The following SCN1A variants were observed in gnomAD, a reference collection of about 807,000 sequenced individuals.
The protein encoded by SCN1A is sodium channel protein type 1 subunit alpha.
A neutral mutation model predicts 193.7 loss-of-function variants in SCN1A; 13 were observed. The observed-to-expected ratio is 0.07, with a 90% CI of 0.04 to 0.11. The LOEUF (loss-of-function observed/expected upper bound fraction) is 0.11. Ranked by LOEUF, SCN1A falls within the 10% of genes least tolerant of loss-of-function variation. The probability of loss-of-function intolerance (pLI) is 1.00; values close to 1 mark genes in which losing one functional copy is unlikely to be tolerated. For synonymous variants in SCN1A, 781 were observed against 843.6 expected (o/e 0.93, Z 1.29); for missense variants, 1,432 against 2,451.1 (o/e 0.58, Z 8.78).
At chr2:165,998,752 G>A (rs974726751) in intron 25 of SCN1A, among the ~76,000 whole-genome samples, 3 of 73,424 alleles carry the variant, frequency 4.1e-5, no homozygotes, top group Non-Finnish European at 7.1e-5. Context: ...GTAATGGACT[G>A]AAAGGTCACT....
upstream of SCN1A, chr2:166,128,188 C>T (rs1221381517): frequency 6.6e-6 from 1 of 151,536 alleles, no homozygotes; most frequent in Non-Finnish European, 1.5e-5. Flanking sequence ...TTCCTTTCTT[C>T]TCTGTAATCT....
chr2:165,985,507 G>T (rs1688558302), downstream of SCN1A: 1 of 152,090 alleles, frequency 6.6e-6, no homozygotes, highest in African/African-American at 2.4e-5. Context: ...AATTGAGGAA[G>T]TTTATAATGA....
At chr2:166,046,411 G>A (rs1481937954) in intron 12 of SCN1A, among the ~76,000 whole-genome samples, 1 of 152,072 alleles carries the variant, frequency 6.6e-6, no homozygotes, top group African/African-American at 2.4e-5. Flanking sequence ...AACTAGAGGA[G>A]CAACTCTTCA....
upstream of SCN1A, among the ~76,000 whole-genome samples, chr2:166,131,911 A>C (rs1026109334): frequency 2.0e-5 from 3 of 152,172 alleles, no homozygotes; most frequent in African/African-American, 7.2e-5. Context: ...TTATGTTTTG[A>C]GTTCCAGATT....
At chr2:166,103,226 G>A (rs1688314577) in intron 2 of SCN1A, among the ~76,000 whole-genome samples, 1 of 152,006 alleles carries the variant, frequency 6.6e-6, no homozygotes, top group South Asian at 2.1e-4. Flanking sequence ...CAAGGAGGGC[G>A]GATCACCTGA....
Position 165,986,644 on chromosome 2 carries a change from A to G in SCN1A, c.*4601T>C, listed in dbSNP as rs755778445. 1 of 151,638 alleles carries G rather than the reference A, an allele frequency of 6.6e-6. No homozygotes were observed. Among genetic ancestry groups the G allele is most frequent in the African/African-American group, 2.4e-5 (1 of 41,276 alleles). The allele number at this position is 151,638 out of a possible 1,614,324, so 9.4% of individuals were successfully genotyped here. A position where few individuals can be genotyped will look rare whatever the true frequency, so the allele number is the denominator to read the frequency against. ...GTAGAAATTATAAAGTCCAGGGCAT[A>G]CAAAATATGATAGTGTGAACACGCA... On this transcript the variant is annotated 3_prime_UTR_variant, in exon 29 of 29. Transcript: ENST00000674923.
chr2:166,056,247 C>T lies in SCN1A; in HGVS notation c.473+164G>A, dbSNP rs1461203. On this transcript the variant is annotated intron_variant, in intron 6 of 28. Transcript: ENST00000674923. Reference sequence around the variant, plus strand: ...CAAAAGAGAGTGATAATCAGTATAACGCCAGCAGGCCTGAGGGCCAATGAG... The same window carrying T: ...CAAAAGAGAGTGATAATCAGTATAATGCCAGCAGGCCTGAGGGCCAATGAG... Among the ~76,000 whole-genome samples the T allele has an allele frequency of 0.47, 72,134 of 151,868 alleles. 17,985 individuals carry two copies. The highest frequency in any genetic ancestry group is 0.56 in the East Asian group (2,885 of 5,158).
intron 19 of SCN1A, among the ~76,000 whole-genome samples, chr2:166,032,989 G>T (rs760499422): frequency 3.9e-5 from 6 of 152,116 alleles, no homozygotes; most frequent in Non-Finnish European, 8.8e-5. Context: ...AAGAAGAGTT[G>T]AATGAGCTGG....
upstream of SCN1A, among the ~76,000 whole-genome samples, chr2:166,131,665 G>A (rs1408047039): frequency 6.6e-6 from 1 of 152,204 alleles, no homozygotes; most frequent in Non-Finnish European, 1.5e-5. Flanking sequence ...TCAGAAGGCT[G>A]AGGAATTAGT....
At chr2:166,027,212 A>G (rs1428852748) in intron 19 of SCN1A, 1 of 152,176 alleles carries the variant, frequency 6.6e-6, no homozygotes, top group East Asian at 1.9e-4. Flanking sequence ...TAACCACTTA[A>G]TAACTACAAC....
At chr2:165,995,108 A>G (rs866696906) in intron 27 of SCN1A, among the ~76,000 whole-genome samples, 1 of 151,844 alleles carries the variant, frequency 6.6e-6, no homozygotes, top group African/African-American at 2.4e-5. Context: ...ACTGCTAGTC[A>G]CTGAAGGCCA....
At chr2:166,112,584 GCA>G (rs1689412906) in intron 2 of SCN1A, among the ~76,000 whole-genome samples, 1 of 152,116 alleles carries the variant, frequency 6.6e-6, no homozygotes, top group South Asian at 2.1e-4. Flanking sequence ...TTGCTGCCTG[GCA>G]CAGAGCTCCT....
intron 4 of SCN1A, among the ~76,000 whole-genome samples, chr2:166,068,374 G>A (rs1226092935): frequency 6.6e-6 from 1 of 152,128 alleles, no homozygotes; most frequent in Non-Finnish European, 1.5e-5. Context: ...GGAAAAAGAA[G>A]CACAAGGAAG....
chr2:166,140,505 T>C (rs1692037038), intron 1 of SCN1A, among the ~76,000 whole-genome samples: 1 of 152,156 alleles, frequency 6.6e-6, no homozygotes, highest in Non-Finnish European at 1.5e-5. Flanking sequence ...CTTACTTGTC[T>C]CAGATTCTTC....
chr2:166,121,506 C>T (rs1356748971), intron 2 of SCN1A, among the ~76,000 whole-genome samples: 4 of 152,128 alleles, frequency 2.6e-5, no homozygotes, highest in African/African-American at 9.7e-5. Context: ...ACATTATAGG[C>T]ACAGCAGTGG....
intron 2 of SCN1A, among the ~76,000 whole-genome samples, chr2:166,101,806 G>A (rs1373564192): frequency 6.6e-6 from 1 of 152,024 alleles, no homozygotes; most frequent in Non-Finnish European, 1.5e-5. Context: ...CTCGATTAAG[G>A]CCTTGGCAAA....
chr2:165,991,626 A>T lies in SCN1A; in HGVS notation c.5649T>A (p.Asp1883Glu). Residue 1883 changes from aspartate to glutamate, a missense_variant, in exon 29 of 29, where the codon GAT becomes GAA. This residue lies in a region of SCN1A where 148 missense variants were observed against 160.3 expected (regional missense o/e 0.92). Coordinates refer to ENST00000674923, the MANE Select transcript of SCN1A (RefSeq NM_001165963.4). ...GCTCTTCCATCTGTATTCGTAGAGC[A>T]TCCATCTCTCCACTCTCTCCTAGAA... The part of the protein sequence containing the change: ...KRVLGESGEM[D>E]ALRIQMEERF... 1 of 1,613,926 alleles carries T rather than the reference A, an allele frequency of 6.2e-7. No homozygotes were observed. Among genetic ancestry groups the T allele is most frequent in the Non-Finnish European group, 8.5e-7 (1 of 1,179,908 alleles).
chr2:166,139,081 C>T (rs997199787), intron 1 of SCN1A, among the ~76,000 whole-genome samples: 1 of 152,194 alleles, frequency 6.6e-6, no homozygotes, highest in Non-Finnish European at 1.5e-5. Flanking sequence ...AATGCCTGTA[C>T]TCCCATTGTA....
At chr2:166,033,599 A>G (rs1392103903) in intron 19 of SCN1A, among the ~76,000 whole-genome samples, 1 of 152,126 alleles carries the variant, frequency 6.6e-6, no homozygotes, top group Non-Finnish European at 1.5e-5. Context: ...ATTATCTCTA[A>G]AGTTTCTATT....
Sources: allele counts gnomAD v4.1 joint callset (sites outside exome capture counted in the v4.1 genomes callset), GRCh38; gene constraint gnomAD v4.1.1; regional missense constraint gnomAD v4.1.1; transcripts MANE v1.5; gene names NCBI Gene and HGNC (gene_info 2026-07-23, HGNC 2026-07-21).